Variants in TRHDE observed in about 807,000 individuals in gnomAD.
TRHDE encodes the protein thyrotropin releasing hormone degrading enzyme, also known as thyrotropin-releasing hormone-degrading ectoenzyme.
A neutral mutation model predicts 125.7 loss-of-function variants in TRHDE; 72 were observed. The ratio of observed to expected loss-of-function variants is 0.57; its 90% CI spans 0.47 to 0.70. TRHDE has a LOEUF of 0.70. Ranked by LOEUF, TRHDE falls within the 30% of genes least tolerant of loss-of-function variation. TRHDE has a pLI of 0.00. For missense variants in TRHDE, 1,110 were observed against 1,327.1 expected, an observed-to-expected ratio of 0.84 and a Z score of 2.54; for synonymous variants, 509 against 509.1, an observed-to-expected ratio of 1.00 and a Z score of 0.00.
chr12:72,580,230 A>G (rs1812035845), intron 12 of TRHDE, among the ~76,000 whole-genome samples: 1 of 152,154 alleles, frequency 6.6e-6, no homozygotes, highest in Non-Finnish European at 1.5e-5. Context: ...TTTTATGTAC[A>G]CGGGTTCTGG....
At chr12:72,309,192 A>C (rs1592534576) in intron 2 of TRHDE, among the ~76,000 whole-genome samples, 1 of 152,256 alleles carries the variant, frequency 6.6e-6, no homozygotes, top group East Asian at 1.9e-4. Flanking sequence ...TGAGCCTTTA[A>C]AAGTCATTTT....
chr12:72,535,179 T>C (rs1868790639), intron 6 of TRHDE, among the ~76,000 whole-genome samples: 1 of 152,090 alleles, frequency 6.6e-6, no homozygotes, highest in African/African-American at 2.4e-5. Flanking sequence ...AATTTTGAAA[T>C]AGGTGTTCTT....
chr12:72,228,996 C>T (rs1237065896), intron 2 of TRHDE, among the ~76,000 whole-genome samples: 2 of 152,184 alleles, frequency 1.3e-5, no homozygotes, highest in African/African-American at 2.4e-5. Context: ...CAACAAGTCT[C>T]TAGGGAGTTC....
chr12:72,593,745 T>C (rs1177045276), intron 12 of TRHDE, among the ~76,000 whole-genome samples: 2 of 151,560 alleles, frequency 1.3e-5, no homozygotes, highest in African/African-American at 2.4e-5. Flanking sequence ...AATTCCCACC[T>C]ATAAGTGAGA....
At chr12:72,481,580 T>A (rs1443605371) in intron 5 of TRHDE, among the ~76,000 whole-genome samples, 1 of 149,694 alleles carries the variant, frequency 6.7e-6, no homozygotes, top group Admixed American at 6.7e-5. Flanking sequence ...TTTTTTTGAG[T>A]CTGAAGAGTA....
At chr12:72,264,184 G>T (rs1193384640) in intron 2 of TRHDE, 3 of 151,954 alleles carry the variant, frequency 2.0e-5, no homozygotes, top group Non-Finnish European at 2.9e-5. Context: ...CACATTTCTT[G>T]TGTGTCTCAA....
chr12:72,370,070 C>T (rs1871508388), intron 2 of TRHDE, among the ~76,000 whole-genome samples: 1 of 152,066 alleles, frequency 6.6e-6, no homozygotes, highest in African/African-American at 2.4e-5. Context: ...ACTCGGTTTG[C>T]AAAATATTTT....
chr12:72,099,374 A>G (rs962989734), intron 1 of TRHDE, among the ~76,000 whole-genome samples: 2 of 152,194 alleles, frequency 1.3e-5, no homozygotes, highest in African/African-American at 4.8e-5. Context: ...TACTTGTTAT[A>G]TTGCAGAGGG....
chr12:72,169,286 C>G (rs544015532), intron 2 of TRHDE, among the ~76,000 whole-genome samples: 2 of 152,240 alleles, frequency 1.3e-5, no homozygotes, highest in South Asian at 2.1e-4. Flanking sequence ...ATAAATCATT[C>G]TCTTAGGGGG....
chr12:72,588,943 AC>A (rs1467552645), intron 12 of TRHDE, among the ~76,000 whole-genome samples: 1 of 151,742 alleles, frequency 6.6e-6, no homozygotes, highest in Non-Finnish European at 1.5e-5. Flanking sequence ...AGAGGGAAAA[AC>A]CCCTTTTAAA....
chr12:72,400,082 T>G (rs762385185), intron 3 of TRHDE, among the ~76,000 whole-genome samples: 32 of 152,110 alleles, frequency 2.1e-4, no homozygotes, highest in Non-Finnish European at 3.8e-4. Flanking sequence ...TATTGACAAC[T>G]GGGTGTCAAG....
chr12:72,578,982 G>GTTTTTT (rs1555199420), intron 12 of TRHDE, among the ~76,000 whole-genome samples: 1 of 105,182 alleles, frequency 9.5e-6, no homozygotes, highest in African/African-American at 5.4e-5. Flanking sequence ...TTACTGTTTA[G>GTTTTTT]TGTTTTTTTT....
chr12:72,146,922 G>A (rs1876241101), intron 2 of TRHDE, among the ~76,000 whole-genome samples: 1 of 152,188 alleles, frequency 6.6e-6, no homozygotes, highest in African/African-American at 2.4e-5. Flanking sequence ...ATGCGGAGCC[G>A]GAAGAAGGGA....
At chr12:72,239,822 G>A (rs769853895) in intron 2 of TRHDE, among the ~76,000 whole-genome samples, 6 of 152,166 alleles carry the variant, frequency 3.9e-5, no homozygotes, top group Non-Finnish European at 7.3e-5. Flanking sequence ...AATAGATCAA[G>A]TCTGAGGACA....
chr12:72,525,000 C>T (rs1003615032), intron 6 of TRHDE, among the ~76,000 whole-genome samples: 5 of 152,034 alleles, frequency 3.3e-5, no homozygotes, highest in Non-Finnish European at 7.4e-5. Flanking sequence ...AGACTCGTGT[C>T]CTTGACTTAA....
chr12:72,336,068 G>A (rs938743021), intron 2 of TRHDE, among the ~76,000 whole-genome samples: 5 of 152,158 alleles, frequency 3.3e-5, no homozygotes, highest in Non-Finnish European at 5.9e-5. Context: ...TTTATGGTGA[G>A]GCTGGAGATG....
intron 2 of TRHDE, among the ~76,000 whole-genome samples, chr12:72,357,008 A>T (rs1870854643): frequency 6.6e-6 from 1 of 151,546 alleles, no homozygotes; most frequent in African/African-American, 2.4e-5. Flanking sequence ...AGCAAAATAG[A>T]TGAAGCAAAT....
intron 2 of TRHDE, among the ~76,000 whole-genome samples, chr12:72,183,515 C>T (rs1877138839): frequency 6.6e-6 from 1 of 152,084 alleles, no homozygotes; most frequent in Non-Finnish European, 1.5e-5. Flanking sequence ...ATAAAATGGT[C>T]AAGTACAGAC....
At chr12:72,589,392 G>T (rs865782588) in intron 12 of TRHDE, among the ~76,000 whole-genome samples, 38 of 152,068 alleles carry the variant, frequency 2.5e-4, no homozygotes, top group African/African-American at 8.0e-4. Flanking sequence ...GAACATGCAG[G>T]TTTGTTACAT....
Sources: gnomAD v4.1 joint callset for allele counts (sites outside exome capture counted in the v4.1 genomes callset) on GRCh38, gnomAD v4.1.1 for gene constraint, MANE v1.5 for transcripts, NCBI Gene and HGNC (gene_info 2026-07-23, HGNC 2026-07-21) for gene names.